Variants in SLC14A2 observed in about 807,000 individuals in gnomAD.
The protein encoded by SLC14A2 is urea transporter 2.
A neutral mutation model predicts 104.6 loss-of-function variants in SLC14A2; 91 were observed. The observed-to-expected ratio is 0.87, with a 90% CI of 0.73 to 1.04. The LOEUF (loss-of-function observed/expected upper bound fraction) is 1.04, where lower values mean the gene tolerates loss of function less well. SLC14A2 is among the 50% of genes least tolerant of loss of function. SLC14A2 has a pLI of 0.00. For synonymous variants in SLC14A2, 476 were observed against 466.4 expected, an observed-to-expected ratio of 1.02 and a Z score of -0.27; for missense variants, 1,189 against 1,156.0, an observed-to-expected ratio of 1.03 and a Z score of -0.41.
At chr18:45,385,118 C>T (rs2085880721) in intron 1 of SLC14A2, among the ~76,000 whole-genome samples, 1 of 152,210 alleles carries the variant, frequency 6.6e-6, no homozygotes, top group South Asian at 2.1e-4. Flanking sequence ...TGCTCCAATG[C>T]ACTAAGTGGG....
intron 1 of SLC14A2, among the ~76,000 whole-genome samples, chr18:45,465,390 C>T (rs1056594094): frequency 3.3e-5 from 5 of 152,220 alleles, no homozygotes; most frequent in African/African-American, 1.2e-4. Context: ...TTTGTGAAAG[C>T]AGCCAGGCTT....
intron 2 of SLC14A2, among the ~76,000 whole-genome samples, chr18:45,573,596 A>G (rs1039284128): frequency 2.0e-5 from 3 of 152,260 alleles, no homozygotes; most frequent in African/African-American, 7.2e-5. Flanking sequence ...TCCATAATAC[A>G]TTAGAAACAA....
intron 1 of SLC14A2, among the ~76,000 whole-genome samples, chr18:45,421,000 A>G (rs886952168): frequency 6.6e-6 from 1 of 152,004 alleles, no homozygotes; most frequent in African/African-American, 2.4e-5. Flanking sequence ...CAGCCTCCCA[A>G]AGTGCTGGGA....
intron 2 of SLC14A2, among the ~76,000 whole-genome samples, chr18:45,524,248 T>C (rs1443385252): frequency 2.0e-5 from 3 of 152,224 alleles, no homozygotes; most frequent in African/African-American, 7.2e-5. Flanking sequence ...GAACCTTGCA[T>C]GGAGAGTGTA....
chr18:45,375,856 C>T (rs1483544891), intron 1 of SLC14A2, among the ~76,000 whole-genome samples: 1 of 152,200 alleles, frequency 6.6e-6, no homozygotes, highest in Admixed American at 6.5e-5. Context: ...TTTCATCATG[C>T]TCCTTCTCCC....
chr18:45,665,442 A>G (rs2046002644), intron 11 of SLC14A2, among the ~76,000 whole-genome samples: 2 of 152,204 alleles, frequency 1.3e-5, no homozygotes, highest in African/African-American at 2.4e-5. Context: ...AGAGTTTTCT[A>G]CAATTACAAA....
chr18:45,197,099 C>T, the SLC14A2 span, among the ~76,000 whole-genome samples: 35,622 of 152,182 alleles, frequency 0.23, 4,550 homozygotes, highest in Non-Finnish European at 0.3. Flanking sequence ...GGATGTGCCA[C>T]ACACATTTAT....
intron 1 of SLC14A2, among the ~76,000 whole-genome samples, chr18:45,230,741 G>T (rs35346489): frequency 6.6e-5 from 10 of 152,180 alleles, no homozygotes; most frequent in African/African-American, 2.4e-4. Flanking sequence ...TTCCTTGTAA[G>T]GGTTGGCATA....
At position 45,682,330 on chromosome 18, in the gene SLC14A2, G is replaced by A. The variant is rs567587864; in HGVS notation, c.2574G>A (p.Pro858=). ...TTCTTTCTCTCCAGTTTGGATTGCC[G>A]CCCTGCACTTGGCCCTTCTGTCTCT... is the stretch of plus-strand genomic sequence containing the variant. ...LANMLSVFGL[P]PCTWPFCLSA... is the part of the protein sequence containing the mutation. Residue 858 remains proline (P), a synonymous_variant, in exon 20 of 20, where the codon CCG becomes CCA. Transcript: ENST00000255226. 47 of 1,614,054 alleles carry A rather than the reference G, an allele frequency of 2.9e-5. No individual in the cohort carries two copies. The African/African-American group carries it at 3.5e-4, about 12-fold the overall frequency.
chr18:45,534,227 A>T (rs1568263953), intron 2 of SLC14A2, among the ~76,000 whole-genome samples: 1 of 152,118 alleles, frequency 6.6e-6, no homozygotes, highest in Non-Finnish European at 1.5e-5. Flanking sequence ...CCTCCTCATC[A>T]CTGCAGAGCA....
intron 2 of SLC14A2, among the ~76,000 whole-genome samples, chr18:45,506,995 G>A (rs1384752636): frequency 1.3e-5 from 2 of 152,168 alleles, no homozygotes; most frequent in East Asian, 3.9e-4. Context: ...CCTGGAGGAG[G>A]TCACTTGAGC....
chr18:45,464,091 G>A (rs2087095454), intron 1 of SLC14A2, among the ~76,000 whole-genome samples: 1 of 152,194 alleles, frequency 6.6e-6, no homozygotes, highest in Non-Finnish European at 1.5e-5. Flanking sequence ...TGTCTTCCTG[G>A]AAGCTCAGTT....
At chr18:45,261,809 G>A (rs1301822192) in intron 1 of SLC14A2, among the ~76,000 whole-genome samples, 3 of 152,138 alleles carry the variant, frequency 2.0e-5, no homozygotes, top group African/African-American at 4.8e-5. Context: ...GTCTATCATT[G>A]TTGGACATTT....
At chr18:45,615,836 T>TGTGTGTGAGA (rs752876528) in intron 1 of SLC14A2, among the ~76,000 whole-genome samples, 1 of 148,582 alleles carries the variant, frequency 6.7e-6, no homozygotes, top group African/African-American at 2.5e-5. Context: ...TGTGTGTGTG[T>TGTGTGTGAGA]GAGAGAGAGA....
chr18:45,391,978 A>G lies in SLC14A2; in HGVS notation c.-124-91255A>G, dbSNP rs557535845. Among the ~76,000 whole-genome samples, 761 of 152,192 alleles carry G rather than the reference A, an allele frequency of 5.0e-3. 3 individuals are homozygous for G. Among genetic ancestry groups the G allele is most frequent in the Non-Finnish European group, 6.3e-3 (428 of 68,008 alleles). ...GGCTTTTGTTGCCATTGCTTTTGGT[A>G]TTTTAGACATGAAGTCCTTGCCCAT... On this transcript the variant is annotated intron_variant, in intron 1 of 20. Transcript: ENST00000586448.
At chr18:45,601,362 C>T (rs1338815046) in intron 2 of SLC14A2, among the ~76,000 whole-genome samples, 1 of 152,148 alleles carries the variant, frequency 6.6e-6, no homozygotes, top group East Asian at 1.9e-4. Flanking sequence ...TAAGCAGATC[C>T]CAGATCTCTC....
intron 1 of SLC14A2, among the ~76,000 whole-genome samples, chr18:45,219,420 G>A (rs1486212875): frequency 6.6e-6 from 1 of 152,170 alleles, no homozygotes; most frequent in Non-Finnish European, 1.5e-5. Context: ...TAAGTCCTTT[G>A]TTAGAAGCAT....
chr18:45,517,661 A>G (rs1386730425), intron 2 of SLC14A2, among the ~76,000 whole-genome samples: 2 of 152,194 alleles, frequency 1.3e-5, no homozygotes, highest in African/African-American at 4.8e-5. Context: ...GCGGCCACCA[A>G]TGCTTGGCTG....
intron 1 of SLC14A2, among the ~76,000 whole-genome samples, chr18:45,474,154 G>C (rs192105362): frequency 1.5e-4 from 23 of 152,246 alleles, no homozygotes; most frequent in African/African-American, 5.5e-4. Context: ...TTTTGTCATT[G>C]ATTCTGTTTA....
Sources: gnomAD v4.1 joint callset for allele counts (sites outside exome capture counted in the v4.1 genomes callset) on GRCh38, gnomAD v4.1.1 for gene constraint, MANE v1.5 for transcripts, NCBI Gene and HGNC (gene_info 2026-07-23, HGNC 2026-07-21) for gene names.